Variants in ESRRG observed in about 807,000 individuals in gnomAD.
ESRRG encodes the protein estrogen related receptor gamma.
In ESRRG, 13 loss-of-function variants were observed where a neutral mutation model predicts 44.0. The ratio of observed to expected loss-of-function variants is 0.30; its 90% CI spans 0.19 to 0.47. The LOEUF is 0.47. ESRRG is among the 20% of genes least tolerant of loss of function. The pLI is 1.00. For synonymous variants in ESRRG, 215 were observed against 214.6 expected, an observed-to-expected ratio of 1.00 and a Z score of -0.02; for missense variants, 395 against 580.6, an observed-to-expected ratio of 0.68 and a Z score of 3.29.
intron 2 of ESRRG, among the ~76,000 whole-genome samples, chr1:216,917,278 G>A (rs1344983917): frequency 6.6e-6 from 1 of 151,592 alleles, no homozygotes; most frequent in African/African-American, 2.4e-5. Context: ...ACAGTCTAGT[G>A]GTTAAAGTGA....
At position 216,580,392 on chromosome 1, in the gene ESRRG, T is replaced by C. The variant is rs373019713; in HGVS notation, c.590-12294A>G. ...GAAGATAACAACATATCATGAAGCA[T>C]TGAAGAAAAAAAAGGAGTTGGCTGA... On this transcript the variant is annotated intron_variant, in intron 3 of 6. Coordinates refer to ENST00000408911, the MANE Select transcript of ESRRG (RefSeq NM_001438.4). Among the ~76,000 whole-genome samples the C allele has an allele frequency of 1.6e-3, 242 of 152,206 alleles. 7 individuals carry two copies. In the South Asian group the frequency reaches 0.041, roughly 26 times the overall value.
Position 216,838,182 on chromosome 1 carries a change from C to A in ESRRG, c.-14+101400G>T, listed in dbSNP as rs151309946. Among the ~76,000 whole-genome samples the A allele has an allele frequency of 3.0e-3, 458 of 152,224 alleles. 1 individual carries two copies. Among genetic ancestry groups the A allele is most frequent in the African/African-American group, 0.011 (439 of 41,526 alleles). ...TCTCCTCCTAGCCAAGCACCTGAAG[C>A]CAGGAATTGCGAGGGAACAGAGAGA... On this transcript the variant is annotated intron_variant, in intron 2 of 7. Coordinates refer to the ESRRG transcript ENST00000359162.
intron 2 of ESRRG, among the ~76,000 whole-genome samples, chr1:216,896,640 CT>C (rs1165696795): frequency 2.0e-5 from 3 of 152,198 alleles, no homozygotes; most frequent in Admixed American, 2.0e-4. Flanking sequence ...AGAAATGCTA[CT>C]TTGGGATTCT....
At chr1:216,829,645 C>A (rs2095455015) in intron 2 of ESRRG, among the ~76,000 whole-genome samples, 1 of 151,732 alleles carries the variant, frequency 6.6e-6, no homozygotes, top group South Asian at 2.1e-4. Context: ...ACCTCCGCCT[C>A]CTGGGTTCAA....
chr1:216,699,143 C>A (rs2080891002), intron 1 of ESRRG, among the ~76,000 whole-genome samples: 1 of 152,104 alleles, frequency 6.6e-6, no homozygotes, highest in African/African-American at 2.4e-5. Flanking sequence ...AAAATATCTG[C>A]CACAAGAAAA....
intron 2 of ESRRG, among the ~76,000 whole-genome samples, chr1:216,800,446 G>A (rs2094581225): frequency 6.6e-6 from 1 of 152,086 alleles, no homozygotes; most frequent in African/African-American, 2.4e-5. Context: ...CAACACATAA[G>A]ACCGCTTAAG....
intron 5 of ESRRG, among the ~76,000 whole-genome samples, chr1:216,555,646 GC>G (rs2057390339): frequency 1.3e-5 from 2 of 151,968 alleles, no homozygotes; most frequent in Admixed American, 6.6e-5. Context: ...TTTCTCGGAT[GC>G]CTGATGTCTC....
intron 2 of ESRRG, among the ~76,000 whole-genome samples, chr1:216,780,223 G>C (rs2147862443): frequency 6.6e-6 from 1 of 152,052 alleles, no homozygotes; most frequent in Non-Finnish European, 1.5e-5. Context: ...TCACATTATG[G>C]ATTCCAAGCT....
At chr1:217,002,302 AAAAAAAAAAAAAGAAAGAAAG>A (rs1317905931) in intron 1 of ESRRG, among the ~76,000 whole-genome samples, 7 of 64,660 alleles carry the variant, frequency 1.1e-4, no homozygotes, top group Non-Finnish European at 1.8e-4. Context: ...ATTCTGTCTA[AAAAAAAAAAAAAGAAAGAAAG>A]AAAAAAAAAA....
rs75890567 is a variant in ESRRG, at chr1:217,050,045, C to T, written c.-106+39462G>A. On this transcript the variant is annotated intron_variant, in intron 1 of 7. Coordinates refer to the ESRRG transcript ENST00000359162. ...TATGGCATTATCCACAAGGAGCAAACGTCACTGTAAGTCAGATGTGTTTGA... is the reference window on the plus strand; with the variant it reads ...TATGGCATTATCCACAAGGAGCAAATGTCACTGTAAGTCAGATGTGTTTGA... Among the ~76,000 whole-genome samples the T allele has an allele frequency of 3.3e-4, 51 of 152,282 alleles. 1 individual carries two copies. In the East Asian group the frequency reaches 9.3e-3, roughly 28 times the overall value.
chr1:216,824,273 C>T (rs1299494993), intron 2 of ESRRG, among the ~76,000 whole-genome samples: 2 of 151,866 alleles, frequency 1.3e-5, no homozygotes, highest in Non-Finnish European at 2.9e-5. Context: ...ATGGTGAAAC[C>T]CCATCTCTAC....
intron 2 of ESRRG, among the ~76,000 whole-genome samples, chr1:216,732,098 GA>G (rs917206956): frequency 7.8e-6 from 1 of 128,962 alleles, no homozygotes; most frequent in African/African-American, 3.0e-5. Flanking sequence ...AATAAAAAAA[GA>G]AAATAAAAAA....
chr1:216,717,562 T>C (rs1328600781), intron 1 of ESRRG, among the ~76,000 whole-genome samples: 1 of 151,840 alleles, frequency 6.6e-6, no homozygotes, highest in African/African-American at 2.4e-5. Context: ...TAAAATGTTA[T>C]GCAAATAAAT....
At chr1:216,587,619 G>T (rs2056895247) in intron 3 of ESRRG, among the ~76,000 whole-genome samples, 1 of 152,144 alleles carries the variant, frequency 6.6e-6, no homozygotes, top group Non-Finnish European at 1.5e-5. Flanking sequence ...GAGAAGACTT[G>T]TCTCCCTTCC....
intron 2 of ESRRG, among the ~76,000 whole-genome samples, chr1:216,732,379 T>G (rs1450802897): frequency 1.6e-5 from 1 of 60,818 alleles, no homozygotes; most frequent in Non-Finnish European, 3.0e-5. Flanking sequence ...CTGGATTTAT[T>G]GATTTTTTTT....
intron 5 of ESRRG, among the ~76,000 whole-genome samples, chr1:216,533,801 C>T (rs148815112): frequency 1.1e-4 from 16 of 152,112 alleles, no homozygotes; most frequent in African/African-American, 2.7e-4. Context: ...CAGCTACTAG[C>T]ACCTTTTAAT....
chr1:216,826,235 G>A (rs993185065), intron 2 of ESRRG, among the ~76,000 whole-genome samples: 7 of 150,390 alleles, frequency 4.7e-5, no homozygotes, highest in East Asian at 1.9e-4. Flanking sequence ...ACATACGGAC[G>A]GCATGCAATC....
rs1270041345 is a variant in ESRRG, at chr1:217,131,762, T to G, written c.-230+5905A>C. Among the ~76,000 whole-genome samples the G allele has an allele frequency of 3.3e-5, 5 of 152,304 alleles. No homozygotes were observed. The East Asian group carries it at 9.6e-4, about 29-fold the overall frequency. On this transcript the variant is annotated intron_variant, in intron 1 of 8. Transcript: ENST00000366940. ...TATTTCTTCACTTAAGGGGAAAAAT[T>G]TGAGTTCAAATTGGTGAGACCTAAT...
At chr1:216,872,600 T>G (rs2096273832) in intron 2 of ESRRG, among the ~76,000 whole-genome samples, 2 of 152,162 alleles carry the variant, frequency 1.3e-5, no homozygotes, top group African/African-American at 4.8e-5. Flanking sequence ...GCAGACCCAA[T>G]AAGATTTTTA....
Sources: gnomAD v4.1 joint callset for allele counts (sites outside exome capture counted in the v4.1 genomes callset) on GRCh38, gnomAD v4.1.1 for gene constraint, MANE v1.5 for transcripts, NCBI Gene and HGNC (gene_info 2026-07-23, HGNC 2026-07-21) for gene names.